The following ART3 variants were observed in gnomAD, a reference collection of about 807,000 sequenced individuals.
The protein encoded by ART3 is ADP-ribosyltransferase 3 (inactive).
ART3 carries 49 observed loss-of-function variants against 48.5 expected under a neutral mutation model. The observed-to-expected ratio is 1.01, with a 90% CI of 0.80 to 1.28. The LOEUF is 1.28. ART3 is among the 50% of genes most tolerant of loss of function. The pLI is 0.00. For synonymous variants in ART3, 145 were observed against 157.2 expected, an observed-to-expected ratio of 0.92 and a Z score of 0.58; for missense variants, 438 against 454.3, an observed-to-expected ratio of 0.96 and a Z score of 0.33.
chr4:76,069,994 T>C (rs1168121129), upstream of ART3, among the ~76,000 whole-genome samples: 1 of 152,120 alleles, frequency 6.6e-6, no homozygotes, highest in Non-Finnish European at 1.5e-5. Context: ...GTAGTAACCC[T>C]ATGTTTAACA....
At chr4:76,103,816 T>C in intron 8 of ART3, 121 bp from the exon 9 acceptor site, 4 of 901,480 alleles carry the variant, frequency 4.4e-6, no homozygotes, top group Non-Finnish European at 6.6e-6. Flanking sequence ...GTTTCTTTTT[T>C]CTTTCCCCCT....
At chr4:76,107,234 C>T (rs951823140) in intron 10 of ART3, 10 of 151,966 alleles carry the variant, frequency 6.6e-5, no homozygotes, top group African/African-American at 1.2e-4. Context: ...CATCATAAGT[C>T]GAGAAGCATC....
At chr4:76,015,383 A>G (rs1351236580) in intron 1 of ART3, among the ~76,000 whole-genome samples, 1 of 152,152 alleles carries the variant, frequency 6.6e-6, no homozygotes, top group Non-Finnish European at 1.5e-5. Context: ...GTTAATTATA[A>G]TCCCCAAAGT....
chr4:76,018,534 C>A (rs1560574957), intron 1 of ART3, among the ~76,000 whole-genome samples: 1 of 152,058 alleles, frequency 6.6e-6, no homozygotes, highest in African/African-American at 2.4e-5. Flanking sequence ...CATACCCCCA[C>A]AACACACGAT....
intron 10 of ART3, chr4:76,106,448 GT>G: frequency 2.5e-6 from 2 of 811,938 alleles, no homozygotes; most frequent in Non-Finnish European, 3.0e-6. Context: ...GCCGAGTTAG[GT>G]TAGAGGCCCA....
At chr4:76,050,954 C>T (rs4605687) in intron 1 of ART3, among the ~76,000 whole-genome samples, 10 of 151,982 alleles carry the variant, frequency 6.6e-5, no homozygotes, top group African/African-American at 1.7e-4. Flanking sequence ...GCTCCGAGTG[C>T]GGGGCCCGCC....
chr4:76,019,091 A>G (rs918619405), intron 1 of ART3, among the ~76,000 whole-genome samples: 27 of 152,068 alleles, frequency 1.8e-4, no homozygotes, highest in East Asian at 3.9e-4. Flanking sequence ...AAGTAATCCA[A>G]TGAAGTCATG....
At chr4:76,030,384 C>G (rs1335731026) in intron 1 of ART3, among the ~76,000 whole-genome samples, 1 of 152,214 alleles carries the variant, frequency 6.6e-6, no homozygotes, top group African/African-American at 2.4e-5. Context: ...TCCAATCTAT[C>G]ACTGTCTTGA....
intron 1 of ART3, among the ~76,000 whole-genome samples, chr4:76,053,737 A>G (rs892911711): frequency 2.0e-5 from 3 of 152,226 alleles, no homozygotes; most frequent in Non-Finnish European, 2.9e-5. Context: ...CTGCCAGCTC[A>G]TTGAATAGAC....
chr4:76,048,562 T>C (rs1357909099), intron 1 of ART3, among the ~76,000 whole-genome samples: 5 of 151,728 alleles, frequency 3.3e-5, no homozygotes, highest in African/African-American at 1.2e-4. Context: ...ACCCTGCTGA[T>C]TGGAATAGTT....
chr4:76,016,174 G>C (rs1477940838), intron 1 of ART3, among the ~76,000 whole-genome samples: 1 of 152,118 alleles, frequency 6.6e-6, no homozygotes, highest in Non-Finnish European at 1.5e-5. Flanking sequence ...AATATGTTAT[G>C]CCATTCTATC....
At chr4:76,030,181 T>A (rs1733749015) in intron 1 of ART3, among the ~76,000 whole-genome samples, 1 of 152,098 alleles carries the variant, frequency 6.6e-6, no homozygotes, top group African/African-American at 2.4e-5. Flanking sequence ...CTCAGCCTCC[T>A]GAGTAGCTGG....
intron 4 of ART3, among the ~76,000 whole-genome samples, chr4:76,098,631 C>T (rs1033663274): frequency 8.9e-4 from 136 of 151,986 alleles, no homozygotes; most frequent in African/African-American, 3.2e-3. Context: ...TGGTGGCAGG[C>T]GCCTGTAATC....
intron 9 of ART3, chr4:76,104,245 C>T (rs1278651047): frequency 1.4e-6 from 1 of 698,798 alleles, no homozygotes; most frequent in African/African-American, 2.0e-5. Context: ...TGCATCAGTC[C>T]AACACCTTCC....
chr4:76,053,049 C>A (rs545142753), intron 1 of ART3, among the ~76,000 whole-genome samples: 1 of 152,206 alleles, frequency 6.6e-6, no homozygotes, highest in African/African-American at 2.4e-5. Flanking sequence ...AAATTTCTGA[C>A]TTTAAAGGAA....
At chr4:76,015,884 C>T (rs1233496192) in intron 1 of ART3, among the ~76,000 whole-genome samples, 1 of 152,220 alleles carries the variant, frequency 6.6e-6, no homozygotes, top group East Asian at 1.9e-4. Context: ...TGGCCTTGGC[C>T]TCCTAGAGTG....
At chr4:76,110,438 T>C (rs928823440) in intron 11 of ART3, among the ~76,000 whole-genome samples, 1 of 152,176 alleles carries the variant, frequency 6.6e-6, no homozygotes, top group Non-Finnish European at 1.5e-5. Flanking sequence ...CCTCAGGGGT[T>C]CTAGAACCAG....
intron 1 of ART3, among the ~76,000 whole-genome samples, chr4:76,013,157 C>T (rs1332632941): frequency 2.6e-5 from 4 of 152,150 alleles, no homozygotes; most frequent in African/African-American, 7.2e-5. Flanking sequence ...TGGGTTCAGA[C>T]GCAGCTGTCT....
At chr4:76,052,714 C>CTTTTTTTTTTTTTTTTTT (rs10644249) in intron 1 of ART3, among the ~76,000 whole-genome samples, 1 of 142,588 alleles carries the variant, frequency 7.0e-6, no homozygotes. Context: ...TTTCTTTTTT[C>CTTTTTTTTTTTTTTTTTT]CTTCTTTTTT....
Sources: gnomAD v4.1 joint callset for allele counts (sites outside exome capture counted in the v4.1 genomes callset) on GRCh38, gnomAD v4.1.1 for gene constraint, MANE v1.5 for transcripts, NCBI Gene and HGNC (gene_info 2026-07-23, HGNC 2026-07-21) for gene names.